NTRK3: variants seen among roughly 807,000 people sequenced by gnomAD.
The protein encoded by NTRK3 is NT-3 growth factor receptor.
A neutral mutation model predicts 91.7 loss-of-function variants in NTRK3; 24 were observed. The ratio of observed to expected loss-of-function variants is 0.26; its 90% CI spans 0.19 to 0.37. The LOEUF (loss-of-function observed/expected upper bound fraction) is 0.37. Among genes scored for constraint, NTRK3 ranks in the 10% least tolerant of loss-of-function variants. NTRK3 has a pLI of 1.00. For synonymous variants in NTRK3, 483 were observed against 404.0 expected (o/e 1.20, Z -2.34); for missense variants, 880 against 1,068.9 (o/e 0.82, Z 2.46).
intron 13 of NTRK3, among the ~76,000 whole-genome samples, chr15:88,049,173 C>T (rs2080555303): frequency 6.6e-6 from 1 of 152,162 alleles, no homozygotes; most frequent in Non-Finnish European, 1.5e-5. Context: ...AGTCTTGTCT[C>T]CTGCTCAAAT....
intron 14 of NTRK3, among the ~76,000 whole-genome samples, chr15:87,993,785 C>T (rs1002373391): frequency 3.3e-5 from 5 of 152,144 alleles, no homozygotes; most frequent in African/African-American, 1.2e-4. Flanking sequence ...GCCTCCTATG[C>T]TCATGGCCAC....
chr15:88,013,953 A>T (rs555599347), intron 14 of NTRK3, among the ~76,000 whole-genome samples: 87 of 152,208 alleles, frequency 5.7e-4, no homozygotes, highest in Non-Finnish European at 1.1e-3. Context: ...CAATTTTTTT[A>T]AAAAAAGACT....
chr15:88,199,754 G>A (rs1023292441), intron 3 of NTRK3, among the ~76,000 whole-genome samples: 1 of 152,244 alleles, frequency 6.6e-6, no homozygotes. Context: ...GGGAGACCCA[G>A]TCTTTGGCCC....
rs147424284 is a variant in NTRK3 at position 88,081,184 on chromosome 15, T to C, written c.1396+45087A>G. Among the ~76,000 whole-genome samples the C allele has an allele frequency of 1.6e-3, 251 of 152,244 alleles. 1 individual carries two copies. Among genetic ancestry groups the C allele is most frequent in the South Asian group, 1.0e-2 (48 of 4,814 alleles). ...GTGAGTGTGCCTGGCCAGGCTGAGA[T>C]TGAGGCCTCCATATATGGACCCTAG... On this transcript the variant is annotated intron_variant, in intron 13 of 18. Coordinates refer to ENST00000394480, the Ensembl canonical transcript of NTRK3.
chr15:87,889,617 A>G (rs1322125811), intron 17 of NTRK3, among the ~76,000 whole-genome samples: 1 of 151,914 alleles, frequency 6.6e-6, no homozygotes, highest in Non-Finnish European at 1.5e-5. Flanking sequence ...GCATGGGCTG[A>G]GTTGAATAGT....
intron 13 of NTRK3, among the ~76,000 whole-genome samples, chr15:88,125,551 T>C (rs1364153429): frequency 6.6e-6 from 1 of 151,754 alleles, no homozygotes; most frequent in African/African-American, 2.4e-5. Flanking sequence ...GTTTCTGTTT[T>C]GGAACTGGTA....
intron 3 of NTRK3, among the ~76,000 whole-genome samples, chr15:88,248,469 C>T (rs1309940207): frequency 6.6e-6 from 1 of 152,114 alleles, no homozygotes; most frequent in African/African-American, 2.4e-5. Flanking sequence ...TTCTCCTAGA[C>T]TTTTACATCA....
intron 7 of NTRK3, among the ~76,000 whole-genome samples, chr15:88,136,850 G>C (rs1024648399): frequency 6.6e-6 from 1 of 152,204 alleles, no homozygotes; most frequent in Admixed American, 6.5e-5. Flanking sequence ...GGCAGGTTGC[G>C]GGGTGGGGGC....
intron 17 of NTRK3, among the ~76,000 whole-genome samples, chr15:87,898,646 A>G (rs1001003150): frequency 3.3e-5 from 5 of 151,990 alleles, no homozygotes; most frequent in Non-Finnish European, 5.9e-5. Flanking sequence ...TCTCTTATTG[A>G]TTGAATATCC....
chr15:88,164,688 C>T (rs1344502144), intron 5 of NTRK3, among the ~76,000 whole-genome samples: 1 of 152,158 alleles, frequency 6.6e-6, no homozygotes, highest in African/African-American at 2.4e-5. Flanking sequence ...CCACCCTGCC[C>T]CCATCTCTGT....
At chr15:88,041,206 A>T (rs1159033747) in intron 13 of NTRK3, among the ~76,000 whole-genome samples, 1 of 152,236 alleles carries the variant, frequency 6.6e-6, no homozygotes, top group African/African-American at 2.4e-5. Context: ...ACCAGCCCAC[A>T]TAAAATAGCT....
chr15:88,039,525 G>A (rs1311222533), intron 13 of NTRK3, among the ~76,000 whole-genome samples: 1 of 152,148 alleles, frequency 6.6e-6, no homozygotes, highest in Admixed American at 6.5e-5. Flanking sequence ...TCTGTCCAGA[G>A]GCTTTTCCTC....
At chr15:87,900,807 T>C (rs1322921283) in intron 17 of NTRK3, among the ~76,000 whole-genome samples, 1 of 151,810 alleles carries the variant, frequency 6.6e-6, no homozygotes, top group Admixed American at 6.6e-5. Context: ...TCATACCTCC[T>C]GGCTCACCCC....
chr15:87,958,177 G>A (rs530764499), intron 14 of NTRK3, among the ~76,000 whole-genome samples: 1 of 152,296 alleles, frequency 6.6e-6, no homozygotes, highest in African/African-American at 2.4e-5. Flanking sequence ...TAAAAGGCGT[G>A]TTTCACATAC....
intron 14 of NTRK3, among the ~76,000 whole-genome samples, chr15:88,007,284 G>T (rs1287424848): frequency 6.6e-6 from 1 of 152,212 alleles, no homozygotes; most frequent in East Asian, 1.9e-4. Context: ...ATAACCAGTA[G>T]TCGGCAGGGT....
intron 13 of NTRK3, among the ~76,000 whole-genome samples, chr15:88,124,511 C>T (rs2053081089): frequency 6.6e-6 from 1 of 152,220 alleles, no homozygotes; most frequent in African/African-American, 2.4e-5. Flanking sequence ...GGAAGAGCAA[C>T]AATGCCCCAT....
chr15:88,067,874 T>C (rs977995898), intron 13 of NTRK3, among the ~76,000 whole-genome samples: 1 of 152,202 alleles, frequency 6.6e-6, no homozygotes, highest in African/African-American at 2.4e-5. Flanking sequence ...CAGGACTTGA[T>C]GGAGAGCAAG....
intron 5 of NTRK3, among the ~76,000 whole-genome samples, chr15:88,176,772 T>A (rs1325042100): frequency 1.3e-5 from 2 of 152,194 alleles, no homozygotes; most frequent in African/African-American, 4.8e-5. Context: ...AAATTTCTGC[T>A]CCACGGAAGT....
chr15:88,001,400 G>T (rs981338897), intron 14 of NTRK3, among the ~76,000 whole-genome samples: 53 of 152,132 alleles, frequency 3.5e-4, no homozygotes, highest in Non-Finnish European at 5.7e-4. Flanking sequence ...TCATATATAA[G>T]AAATCATTAC....
Sources: allele counts gnomAD v4.1 joint callset (sites outside exome capture counted in the v4.1 genomes callset), GRCh38; gene constraint gnomAD v4.1.1; transcripts MANE v1.5; gene names NCBI Gene and HGNC (gene_info 2026-07-23, HGNC 2026-07-21).